RADIL: variants seen among roughly 807,000 people sequenced by gnomAD.
The protein encoded by RADIL is ras-associating and dilute domain-containing protein.
In RADIL, 99 loss-of-function variants were observed where a neutral mutation model predicts 97.6. The observed-to-expected ratio is 1.01, with a 90% CI of 0.86 to 1.20. The LOEUF is 1.20. RADIL is among the 50% of genes most tolerant of loss of function. RADIL has a pLI of 0.00. For missense variants in RADIL, 1,765 were observed against 1,498.9 expected (o/e 1.18, Z -2.93); for synonymous variants, 803 against 691.8 (o/e 1.16, Z -2.52).
At chr7:4,859,853 G>C (rs1276402426) in intron 2 of RADIL, 1 of 1,345,388 alleles carries the variant, frequency 7.4e-7, no homozygotes, top group Non-Finnish European at 1.0e-6. Flanking sequence ...TGGTTTTCTT[G>C]GTCCTTTCTT....
At chr7:4,847,079 G>T (rs1019204070) in intron 2 of RADIL, among the ~76,000 whole-genome samples, 1 of 152,040 alleles carries the variant, frequency 6.6e-6, no homozygotes, top group African/African-American at 2.4e-5. Flanking sequence ...CCAGCACTTT[G>T]GGAGGCCAAG....
chr7:4,799,870 G>A, intron 13 of RADIL, 101 bp from the exon 14 acceptor site: 9 of 1,417,048 alleles, frequency 6.4e-6, no homozygotes, highest in African/African-American at 4.3e-5. Context: ...CCCCCGCCTG[G>A]CATCCAGCCA....
intron 10 of RADIL, among the ~76,000 whole-genome samples, chr7:4,805,059 A>C (rs1023224940): frequency 2.6e-5 from 4 of 152,112 alleles, no homozygotes; most frequent in South Asian, 2.1e-4. Flanking sequence ...GCACCACTGC[A>C]CTCCAGCCTG....
intron 11 of RADIL, 149 bp from the exon 12 acceptor site, chr7:4,802,144 G>C: frequency 7.6e-6 from 5 of 660,200 alleles, no homozygotes; most frequent in Non-Finnish European, 1.0e-5. Flanking sequence ...CTTGAGACGC[G>C]CAAGAGGCAA....
chr7:4,840,475 T>G lies in RADIL; in HGVS notation c.536-3870A>C, dbSNP rs1783412423. 6.6e-6 allele frequency among the ~76,000 whole-genome samples: 1 copy of G among 151,154 alleles called. No individual in the cohort carries two copies. The highest frequency in any genetic ancestry group is 2.4e-5 in the African/African-American group (1 of 41,018). ...CCATCGCTAGACACACAGCGTGGAG[T>G]TGTCAAGGCCCTCAGACCCGGCAGC... is the stretch of plus-strand genomic sequence containing the variant. On this transcript the variant is annotated intron_variant, in intron 2 of 14. Transcript: ENST00000399583. The surrounding 1 kb of genome is among the most constrained non-coding windows in gnomAD (Gnocchi z 5.6).
At position 4,880,514 on chromosome 7, in the gene RADIL, C is replaced by T. The variant is rs146837314; in HGVS notation, c.-64-2311G>A. Among the ~76,000 whole-genome samples, 6 of 152,274 alleles carry T rather than the reference C, an allele frequency of 3.9e-5. No individual in the cohort carries two copies. The highest frequency in any genetic ancestry group is 1.9e-4 in the East Asian group (1 of 5,176). ...AAACCCCTCAAAGAGCCTCTCCAGC[C>T]GGCACTTATTAACCATCCATGAGAG... On this transcript the variant is annotated intron_variant, in intron 1 of 14. Transcript: ENST00000399583. The surrounding 1 kb of genome is among the most constrained non-coding windows in gnomAD (Gnocchi z 4.5).
intron 5 of RADIL, 40 bp downstream of exon 5, chr7:4,832,101 T>C (rs1257214030): frequency 6.2e-7 from 1 of 1,607,540 alleles, no homozygotes; most frequent in Non-Finnish European, 8.5e-7. Flanking sequence ...CCCCAGGACC[T>C]GCTGCCCAGA....
chr7:4,866,583 C>A (rs997074261), intron 2 of RADIL, among the ~76,000 whole-genome samples: 3 of 152,156 alleles, frequency 2.0e-5, no homozygotes, highest in African/African-American at 7.2e-5. Flanking sequence ...ATTTAATTGT[C>A]CATTTCACAG....
chr7:4,877,715 A>AAG lies in RADIL; in HGVS notation c.423_424dup (p.Leu142SerfsTer2). On this transcript the variant is annotated frameshift_variant, in exon 2 of 15. Coordinates refer to ENST00000399583, the MANE Select transcript of RADIL (RefSeq NM_018059.5). LOFTEE classifies it high-confidence loss of function. Reference sequence around the variant, plus strand: ...TCGGGGTTTCCATAATTCCTGGATCAAGAGGGGCTTCTCACTGTCCCCAAA... The same window carrying AAG: ...TCGGGGTTTCCATAATTCCTGGATCAAGAGAGGGGCTTCTCACTGTCCCCAAA... The AAG allele has an allele frequency of 7.4e-6, 12 of 1,614,140 alleles. No individual in the cohort carries two copies. Among genetic ancestry groups the AAG allele is most frequent in the Non-Finnish European group, 1.0e-5 (12 of 1,180,040 alleles).
chr7:4,822,269 G>A lies in RADIL; in HGVS notation c.1615+125C>T, dbSNP rs1017751948. ...TGACACATGGCAGCCTAGGGACTGA[G>A]GAAGCCCCCGGCATGAATCCACCCC... is the stretch of plus-strand genomic sequence containing the variant. On this transcript the variant is annotated intron_variant, in intron 6 of 14. Transcript: ENST00000399583. The surrounding 1 kb of genome is among the most constrained non-coding windows in gnomAD (Gnocchi z 5.3). 4 of 1,232,476 alleles carry A rather than the reference G, an allele frequency of 3.2e-6. No homozygotes were observed. Among genetic ancestry groups the A allele is most frequent in the Non-Finnish European group, 4.4e-6 (4 of 911,078 alleles). 76.3% of individuals were successfully genotyped at this position (1,232,476 alleles called of 1,614,324 possible).
chr7:4,879,515 T>C lies in RADIL; in HGVS notation c.-64-1312A>G, dbSNP rs569073489. ...CGAGTGAGCCAGGAGGAAAGCCTAT[T>C]TTCTGGAAAGCTCTGGAAAGAGTGG... On this transcript the variant is annotated intron_variant, in intron 1 of 14. Transcript: ENST00000399583. The surrounding 1 kb of genome is among the most constrained non-coding windows in gnomAD (Gnocchi z 4.1). 6.6e-6 allele frequency among the ~76,000 whole-genome samples: 1 copy of C among 152,296 alleles called. No individual in the cohort carries two copies. Among genetic ancestry groups the C allele is most frequent in the South Asian group, 2.1e-4 (1 of 4,828 alleles).
chr7:4,863,026 G>A (rs1030922114), intron 2 of RADIL, among the ~76,000 whole-genome samples: 1 of 152,074 alleles, frequency 6.6e-6, no homozygotes, highest in Non-Finnish European at 1.5e-5. Context: ...GCACTTCCTG[G>A]GAATATGTTC....
intron 2 of RADIL, among the ~76,000 whole-genome samples, chr7:4,876,942 TC>T (rs756048569): frequency 5.9e-4 from 90 of 152,130 alleles, no homozygotes; most frequent in Non-Finnish European, 8.8e-4. Context: ...CCCCAAAAAC[TC>T]CCCGACAAGG....
Position 4,836,554 on chromosome 7 carries a change from G to A in RADIL, c.587C>T (p.Pro196Leu), listed in dbSNP as rs773690161. The change falls in exon 3 of 15, where the codon CCG (proline) becomes CTG (leucine). Residue 196 changes from proline to leucine, a missense_variant. Transcript: ENST00000399583. ...CCGGGCATCCCCCAGGGCCGGGGTC[G>A]GGGTTCCCTTCGCGCGACTCCGCTG... ...RLQRSRAKGT[P>L]TPALGDARSS... is the part of the protein sequence containing the mutation. 115 of 1,607,658 alleles carry A rather than the reference G, an allele frequency of 7.2e-5. No individual in the cohort carries two copies. The East Asian group carries it at 7.8e-4, about 11-fold the overall frequency.
chr7:4,851,321 G>C (rs1482143549), intron 2 of RADIL, among the ~76,000 whole-genome samples: 2 of 152,194 alleles, frequency 1.3e-5, no homozygotes, highest in Non-Finnish European at 2.9e-5. Context: ...ATAGGTGGAG[G>C]CTAGAAGGAC....
chr7:4,817,197 C>T lies in RADIL; in HGVS notation c.1728+42G>A, dbSNP rs1282192091. The T allele has an allele frequency of 6.4e-7, 1 of 1,555,952 alleles. No homozygotes were observed. The highest frequency in any genetic ancestry group is 8.8e-7 in the Non-Finnish European group (1 of 1,136,490). ...GCACAAGCTTGAGCCCCACTTGATC[C>T]CAGGAGCTGCCTGAGTGCAGAAGCA... On this transcript the variant is annotated intron_variant, in intron 7 of 14. Transcript: ENST00000399583. This position sits in a 1 kb window ranked among gnomAD's most constrained non-coding sequence, Gnocchi z 8.3.
intron 2 of RADIL, among the ~76,000 whole-genome samples, chr7:4,851,047 CA>C (rs1389921465): frequency 1.3e-5 from 2 of 151,662 alleles, no homozygotes; most frequent in Admixed American, 1.3e-4. Context: ...ACTAAAAATG[CA>C]AGAAAAAGTA....
chr7:4,871,861 G>C (rs1784263172), intron 2 of RADIL, among the ~76,000 whole-genome samples: 2 of 152,224 alleles, frequency 1.3e-5, no homozygotes, highest in South Asian at 4.1e-4. Context: ...GAGTGCTGGG[G>C]TGGTGTTCCC....
At chr7:4,864,405 T>A (rs1244562940) in intron 2 of RADIL, among the ~76,000 whole-genome samples, 1 of 152,262 alleles carries the variant, frequency 6.6e-6, no homozygotes. Flanking sequence ...CTGGTTAATC[T>A]GCTGATTTCC....
Sources: gnomAD v4.1 joint callset for allele counts (sites outside exome capture counted in the v4.1 genomes callset) on GRCh38, gnomAD v4.1.1 for gene constraint, Gnocchi (gnomAD v3.1) non-coding constraint, MANE v1.5 for transcripts, NCBI Gene and HGNC (gene_info 2026-07-23, HGNC 2026-07-21) for gene names.